GPHN: variants seen among roughly 807,000 people sequenced by gnomAD.
GPHN encodes the protein gephyrin.
In GPHN, 17 loss-of-function variants were observed where a neutral mutation model predicts 95.5. The observed-to-expected ratio is 0.18, with a 90% confidence interval of 0.12 to 0.27. GPHN has a LOEUF of 0.27. Ranked by LOEUF, GPHN falls within the 10% of genes least tolerant of loss-of-function variation. GPHN has a pLI of 1.00. For synonymous variants in GPHN, 320 were observed against 322.5 expected (o/e 0.99, Z 0.08); for missense variants, 660 against 978.1 (o/e 0.67, Z 4.34).
chr14:67,187,666 G>A, the GPHN span, among the ~76,000 whole-genome samples: 9 of 152,134 alleles, frequency 5.9e-5, no homozygotes, highest in African/African-American at 1.4e-4. Flanking sequence ...CTCTTCTTCC[G>A]TGAACTTCAT....
intron 1 of GPHN, among the ~76,000 whole-genome samples, chr14:66,655,647 G>C (rs1416669536): frequency 1.3e-5 from 2 of 151,940 alleles, no homozygotes; most frequent in South Asian, 4.1e-4. Flanking sequence ...AATAAGAGTA[G>C]TGAGAGCATA....
At chr14:67,024,871 G>A (rs545219656) in intron 10 of GPHN, among the ~76,000 whole-genome samples, 1 of 151,952 alleles carries the variant, frequency 6.6e-6, no homozygotes, top group Non-Finnish European at 1.5e-5. Flanking sequence ...AATTCATGGG[G>A]TTTTTTTGTG....
At chr14:67,252,796 T>A in the GPHN span, among the ~76,000 whole-genome samples, 1 of 152,226 alleles carries the variant, frequency 6.6e-6, no homozygotes, top group Non-Finnish European at 1.5e-5. Context: ...GTTTAAACTT[T>A]AGCCTTGCTG....
the GPHN span, among the ~76,000 whole-genome samples, chr14:67,370,243 AT>A: frequency 3.3e-5 from 5 of 152,182 alleles, no homozygotes; most frequent in African/African-American, 9.7e-5. Context: ...TAGGACCATT[AT>A]GGACATGTCG....
chr14:66,754,768 A>G (rs1221226506), intron 2 of GPHN, among the ~76,000 whole-genome samples: 1 of 152,036 alleles, frequency 6.6e-6, no homozygotes, highest in Non-Finnish European at 1.5e-5. Flanking sequence ...TGACTTTTAT[A>G]GACTTCAGAG....
chr14:67,323,615 AATATATATAT>A, the GPHN span: 13 of 258,784 alleles, frequency 5.0e-5, 1 homozygote, highest in Non-Finnish European at 8.4e-5. Flanking sequence ...CCCTTAATCT[AATATATATAT>A]ATATATATAT....
chr14:67,437,658 G>C, the GPHN span, among the ~76,000 whole-genome samples: 1,907 of 152,258 alleles, frequency 0.013, 15 homozygotes, highest in Middle Eastern at 0.021. Flanking sequence ...CTGGAGGAGG[G>C]GGGAGAGAGA....
At chr14:66,901,516 T>C (rs1421897794) in intron 5 of GPHN, among the ~76,000 whole-genome samples, 1 of 152,116 alleles carries the variant, frequency 6.6e-6, no homozygotes, top group African/African-American at 2.4e-5. Context: ...TTTCAGGTCT[T>C]AGATTTAAGT....
chr14:67,110,116 T>C, intron 13 of GPHN, 24 bp from the exon 14 acceptor site: 1 of 1,610,538 alleles, frequency 6.2e-7, no homozygotes, highest in Non-Finnish European at 8.5e-7. Context: ...GTACATCAAC[T>C]GTCTTTTTCA....
chr14:67,320,889 A>G, the GPHN span, among the ~76,000 whole-genome samples: 2 of 152,196 alleles, frequency 1.3e-5, no homozygotes, highest in Non-Finnish European at 2.9e-5. Context: ...TCATTTTTCA[A>G]TCTACAAAAA....
chr14:67,056,985 G>A (rs566914290), intron 10 of GPHN, among the ~76,000 whole-genome samples: 71 of 152,268 alleles, frequency 4.7e-4, no homozygotes, highest in African/African-American at 1.6e-3. Context: ...TGCAGGGCCC[G>A]CCGTACCCAC....
chr14:66,998,094 G>C (rs1046362363), intron 9 of GPHN, among the ~76,000 whole-genome samples: 1 of 152,158 alleles, frequency 6.6e-6, no homozygotes, highest in African/African-American at 2.4e-5. Flanking sequence ...CTCTATGACA[G>C]CATGTGTGCA....
chr14:66,903,701 G>A (rs2065232268), intron 5 of GPHN, among the ~76,000 whole-genome samples: 1 of 152,080 alleles, frequency 6.6e-6, no homozygotes, highest in South Asian at 2.1e-4. Flanking sequence ...TTTTCTGGTT[G>A]TTTTATAACT....
In GPHN at chr14:66,535,232, GA is replaced by G. The variant is rs200286066; in HGVS notation, c.64+26650del. On this transcript the variant is annotated intron_variant, in intron 1 of 22. Coordinates refer to ENST00000478722, the MANE Select transcript of GPHN (RefSeq NM_020806.5). ...TTCAATTGATTTGGCCCCATTTTTTGAAAAAAAAATTGCCCTTAAACCATTG... is the reference window on the plus strand; with the variant it reads ...TTCAATTGATTTGGCCCCATTTTTTGAAAAAAAATTGCCCTTAAACCATTG... Among the ~76,000 whole-genome samples the G allele has an allele frequency of 6.7e-5, 10 of 149,768 alleles. No individual in the cohort carries two copies. In the South Asian group the frequency reaches 1.7e-3, roughly 25 times the overall value.
intron 4 of GPHN, among the ~76,000 whole-genome samples, chr14:66,860,028 G>A (rs996792195): frequency 5.3e-5 from 8 of 152,082 alleles, no homozygotes; most frequent in African/African-American, 1.9e-4. Flanking sequence ...TAAAGAGGAG[G>A]TAAAGAAAGA....
the GPHN span, among the ~76,000 whole-genome samples, chr14:67,233,867 CT>C: frequency 6.6e-6 from 1 of 152,180 alleles, no homozygotes; most frequent in Non-Finnish European, 1.5e-5. Flanking sequence ...CATTAGAAAT[CT>C]AAATGAAGAT....
intron 9 of GPHN, 85 bp downstream of exon 9, chr14:66,965,410 G>T (rs2069252157): frequency 2.5e-6 from 3 of 1,219,358 alleles, no homozygotes; most frequent in African/African-American, 3.0e-5. Flanking sequence ...GCTTGTCAAG[G>T]TTGGATTGCA....
chr14:67,418,071 T>C, the GPHN span, among the ~76,000 whole-genome samples: 1 of 151,784 alleles, frequency 6.6e-6, no homozygotes, highest in Admixed American at 6.6e-5. Context: ...AGCTGGGGAG[T>C]GGGTAGAGTA....
At chr14:66,519,229 G>C (rs1372027186) in intron 1 of GPHN, among the ~76,000 whole-genome samples, 1 of 152,076 alleles carries the variant, frequency 6.6e-6, no homozygotes, top group East Asian at 1.9e-4. Flanking sequence ...TATAAAGAAT[G>C]TAATAATACA....
Sources: gnomAD v4.1 joint callset for allele counts (sites outside exome capture counted in the v4.1 genomes callset) on GRCh38, gnomAD v4.1.1 for gene constraint, MANE v1.5 for transcripts, NCBI Gene and HGNC (gene_info 2026-07-23, HGNC 2026-07-21) for gene names.